HADH: variants seen among roughly 807,000 people sequenced by gnomAD.
HADH encodes the protein hydroxyacyl-CoA dehydrogenase.
In HADH, 24 loss-of-function variants were observed where a neutral mutation model predicts 32.2. The ratio of observed to expected loss-of-function variants is 0.75; its 90% CI spans 0.54 to 1.05. The LOEUF (loss-of-function observed/expected upper bound fraction) is 1.05, where lower values mean the gene tolerates loss of function less well. Among genes scored for constraint, HADH ranks in the 50% least tolerant of loss-of-function variants. HADH has a pLI of 0.00. For synonymous variants in HADH, 139 were observed against 152.5 expected, an observed-to-expected ratio of 0.91 and a Z score of 0.65; for missense variants, 350 against 397.1, an observed-to-expected ratio of 0.88 and a Z score of 1.01.
At chr4:108,013,277 A>G (rs1488525810) in intron 2 of HADH, among the ~76,000 whole-genome samples, 1 of 152,076 alleles carries the variant, frequency 6.6e-6, no homozygotes, top group Non-Finnish European at 1.5e-5. Context: ...CATGCAGGGG[A>G]TGTTATGAGG....
At chr4:107,991,600 C>T (rs929059637) in intron 1 of HADH, among the ~76,000 whole-genome samples, 2 of 152,078 alleles carry the variant, frequency 1.3e-5, no homozygotes, top group African/African-American at 2.4e-5. Context: ...TTGTGTGGAT[C>T]CCCTGGCTGC....
At chr4:108,028,691 A>G (rs1736146912) in intron 6 of HADH, 2 of 394,964 alleles carry the variant, frequency 5.1e-6, no homozygotes, top group East Asian at 3.6e-5. Flanking sequence ...AATATGCCTA[A>G]TTACACCTCA....
intron 1 of HADH, among the ~76,000 whole-genome samples, chr4:108,000,745 C>A (rs1322170479): frequency 6.6e-6 from 1 of 152,066 alleles, no homozygotes; most frequent in East Asian, 1.9e-4. Flanking sequence ...ATGAGGGAGC[C>A]GGACATGTAT....
intron 6 of HADH, chr4:108,027,996 C>T (rs932709698): frequency 1.2e-5 from 7 of 596,332 alleles, no homozygotes; most frequent in African/African-American, 7.4e-5. Context: ...CCACCACCCC[C>T]ACTACAGTCC....
At chr4:107,990,203 A>G in intron 1 of HADH, 139 bp downstream of exon 1, 1 of 880,308 alleles carries the variant, frequency 1.1e-6, no homozygotes, top group Non-Finnish European at 1.7e-6. Flanking sequence ...GGTGTAGTTG[A>G]AATATCTCGC....
At chr4:108,025,240 G>A (rs1456957480) in intron 5 of HADH, 1 of 152,172 alleles carries the variant, frequency 6.6e-6, no homozygotes, top group African/African-American at 2.4e-5. Context: ...ATAGAAGAGG[G>A]GCATTAATGT....
intron 1 of HADH, 42 bp downstream of exon 1, chr4:107,990,106 C>G (rs1358976767): frequency 1.9e-6 from 3 of 1,575,510 alleles, no homozygotes; most frequent in Non-Finnish European, 2.6e-6. Context: ...GCTTGGCCGC[C>G]CACCCTGAGG....
At chr4:108,031,949 CTAAT>C (rs1406371629) in intron 6 of HADH, 1 of 171,880 alleles carries the variant, frequency 5.8e-6, no homozygotes, top group Admixed American at 6.2e-5. Flanking sequence ...GTCTCTAATC[CTAAT>C]TAGTGTAGTT....
chr4:108,007,244 C>G lies in HADH; in HGVS notation c.133-2515C>G, dbSNP rs568721296. 7.9e-5 allele frequency among the ~76,000 whole-genome samples: 12 copies of G among 152,196 alleles called. No individual in the cohort carries two copies. The South Asian group carries it at 1.7e-3, about 21-fold the overall frequency. The stretch of plus-strand genomic sequence containing the variant: ...GCCTCAGCCTCCCGAGTAGCTGGGA[C>G]TACAGGCGCCCGCCACCACGCCCGG... On this transcript the variant is annotated intron_variant, in intron 1 of 7. Transcript: ENST00000309522.
intron 1 of HADH, among the ~76,000 whole-genome samples, chr4:107,996,404 G>T (rs976727241): frequency 4.6e-5 from 7 of 152,142 alleles, no homozygotes; most frequent in African/African-American, 2.4e-5. Context: ...TTCAGAATTT[G>T]TGGGAGGTGA....
chr4:107,994,814 C>T (rs1418624495), intron 1 of HADH, among the ~76,000 whole-genome samples: 1 of 152,170 alleles, frequency 6.6e-6, no homozygotes, highest in Non-Finnish European at 1.5e-5. Flanking sequence ...TGTAGAACCA[C>T]CCTCTATTAG....
At chr4:108,029,311 C>G (rs1020188165) in intron 6 of HADH, 5 of 162,848 alleles carry the variant, frequency 3.1e-5, no homozygotes, top group African/African-American at 9.5e-5. Context: ...CTGTTCATCA[C>G]TTTTGATTCC....
intron 1 of HADH, among the ~76,000 whole-genome samples, chr4:108,003,763 C>T (rs1735194987): frequency 6.6e-6 from 1 of 150,886 alleles, no homozygotes; most frequent in Non-Finnish European, 1.5e-5. Context: ...CTGGATCCAA[C>T]AATAGGCCTC....
At chr4:108,008,234 C>A (rs891476328) in intron 1 of HADH, among the ~76,000 whole-genome samples, 1 of 152,164 alleles carries the variant, frequency 6.6e-6, no homozygotes, top group African/African-American at 2.4e-5. Flanking sequence ...TCCTGCTTGC[C>A]TCTGTCCTTG....
intron 1 of HADH, among the ~76,000 whole-genome samples, chr4:107,997,119 G>A (rs1031827346): frequency 2.6e-5 from 4 of 152,176 alleles, no homozygotes; most frequent in Non-Finnish European, 5.9e-5. Flanking sequence ...CATGACAACC[G>A]TAAAAGGCAG....
intron 2 of HADH, among the ~76,000 whole-genome samples, chr4:108,014,067 G>T (rs374980088): frequency 6.6e-6 from 1 of 152,166 alleles, no homozygotes; most frequent in South Asian, 2.1e-4. Context: ...AAAACTACAG[G>T]CTCTTTGGCA....
intron 3 of HADH, among the ~76,000 whole-genome samples, chr4:108,016,713 C>T (rs751629515): frequency 1.3e-5 from 2 of 152,192 alleles, no homozygotes; most frequent in Non-Finnish European, 2.9e-5. Context: ...TGGTGCTGAC[C>T]CCCTCACCAC....
intron 6 of HADH, chr4:108,028,749 CTT>C (rs34805128): frequency 7.6e-3 from 2,742 of 359,846 alleles, no homozygotes; most frequent in Middle Eastern, 0.01. Flanking sequence ...AGTTGTATGT[CTT>C]TTTTTTTTTT....
At chr4:108,027,581 T>C (rs1454113247) in intron 5 of HADH, 107 bp from the exon 6 acceptor site, 10 of 783,594 alleles carry the variant, frequency 1.3e-5, no homozygotes, top group Non-Finnish European at 2.3e-5. Context: ...GCTTGATAAA[T>C]GGGGGCAAAC....
Sources: gnomAD v4.1 joint callset for allele counts (sites outside exome capture counted in the v4.1 genomes callset) on GRCh38, gnomAD v4.1.1 for gene constraint, MANE v1.5 for transcripts, NCBI Gene and HGNC (gene_info 2026-07-23, HGNC 2026-07-21) for gene names.